The following BTRC variants were observed in gnomAD, a reference collection of about 807,000 sequenced individuals.
BTRC encodes the protein F-box/WD repeat-containing protein 1A.
In BTRC, 42 loss-of-function variants were observed where a neutral mutation model predicts 85.5. The ratio of observed to expected loss-of-function variants is 0.49; its 90% CI spans 0.38 to 0.64. The LOEUF (loss-of-function observed/expected upper bound fraction) is 0.64, where lower values mean the gene tolerates loss of function less well. Ranked by LOEUF, BTRC falls within the 30% of genes least tolerant of loss-of-function variation. BTRC has a pLI of 0.00. For synonymous variants in BTRC, 255 were observed against 263.3 expected (o/e 0.97, Z 0.30); for missense variants, 594 against 743.5 (o/e 0.80, Z 2.34).
chr10:101,549,713 C>CAATAAAAAAAAAAAAAAA (rs2062618196), intron 13 of BTRC, among the ~76,000 whole-genome samples: 1 of 42,770 alleles, frequency 2.3e-5, no homozygotes, highest in Non-Finnish European at 3.6e-5. Flanking sequence ...GACTCTGTCT[C>CAATAAAAAAAAAAAAAAA]AAAAAAAAAA....
At chr10:101,387,478 A>G (rs1408270727) in intron 1 of BTRC, among the ~76,000 whole-genome samples, 2 of 127,862 alleles carry the variant, frequency 1.6e-5, no homozygotes, top group African/African-American at 6.4e-5. Context: ...TTAAGGTCTC[A>G]TACCTTATTT....
intron 1 of BTRC, among the ~76,000 whole-genome samples, chr10:101,390,727 C>T (rs1943216469): frequency 1.3e-5 from 2 of 151,782 alleles, no homozygotes; most frequent in South Asian, 4.2e-4. Context: ...AGCCTGCCAT[C>T]CCACACAACC....
intron 3 of BTRC, among the ~76,000 whole-genome samples, chr10:101,463,051 T>G (rs1386146229): frequency 5.8e-5 from 8 of 137,928 alleles, no homozygotes; most frequent in South Asian, 4.7e-4. Context: ...TATTTTGGGG[T>G]TTTTTTTTTT....
intron 1 of BTRC, among the ~76,000 whole-genome samples, chr10:101,361,248 AG>A (rs1451515917): frequency 3.9e-5 from 6 of 152,240 alleles, no homozygotes; most frequent in African/African-American, 1.4e-4. Flanking sequence ...CTGGGATTAC[AG>A]GCACGTGTCA....
At chr10:101,464,564 T>C (rs1945322158) in intron 3 of BTRC, among the ~76,000 whole-genome samples, 1 of 110,686 alleles carries the variant, frequency 9.0e-6, no homozygotes, top group Non-Finnish European at 1.7e-5. Flanking sequence ...TGCTTTGAAA[T>C]GATTTTTCTA....
intron 4 of BTRC, 139 bp downstream of exon 4, chr10:101,479,596 T>C: frequency 1.7e-6 from 1 of 572,202 alleles, no homozygotes; most frequent in Non-Finnish European, 2.9e-6. Flanking sequence ...CATCATTTTA[T>C]CTAGAACAGA....
chr10:101,417,637 T>C (rs983094884), intron 1 of BTRC, among the ~76,000 whole-genome samples: 1 of 152,178 alleles, frequency 6.6e-6, no homozygotes, highest in African/African-American at 2.4e-5. Context: ...TGAGACTATT[T>C]AAGTATCCTC....
chr10:101,429,549 TTTC>T (rs942329677), intron 1 of BTRC, among the ~76,000 whole-genome samples: 34 of 123,692 alleles, frequency 2.7e-4, no homozygotes, highest in Non-Finnish European at 4.1e-4. Flanking sequence ...CCTCCTCCTT[TTTC>T]TTCTTCTTCT....
chr10:101,420,759 ACT>A (rs1944079349), intron 1 of BTRC, among the ~76,000 whole-genome samples: 1 of 151,614 alleles, frequency 6.6e-6, no homozygotes, highest in South Asian at 2.1e-4. Flanking sequence ...ACTGTAGTCA[ACT>A]CTCTGCCACT....
At chr10:101,544,235 A>T (rs2134455581) in intron 13 of BTRC, among the ~76,000 whole-genome samples, 1 of 152,250 alleles carries the variant, frequency 6.6e-6, no homozygotes, top group East Asian at 1.9e-4. Flanking sequence ...TAATGGAAAA[A>T]AGAGAGTTTA....
intron 1 of BTRC, among the ~76,000 whole-genome samples, chr10:101,398,432 A>T (rs984271041): frequency 2.6e-5 from 4 of 151,870 alleles, no homozygotes; most frequent in Non-Finnish European, 4.4e-5. Flanking sequence ...CCTCCCGAGT[A>T]GCTGGGACTA....
chr10:101,380,220 T>G (rs1469038513), intron 1 of BTRC, among the ~76,000 whole-genome samples: 1 of 152,198 alleles, frequency 6.6e-6, no homozygotes, highest in Non-Finnish European at 1.5e-5. Flanking sequence ...TTTCCTCATA[T>G]AGAAAGCAAA....
rs1176858689 is a variant in BTRC at position 101,479,456 on chromosome 10, A to C, written c.323A>C (p.Lys108Thr). 1 of 1,611,186 alleles carries C rather than the reference A, an allele frequency of 6.2e-7. No individual in the cohort carries two copies. The highest frequency in any genetic ancestry group is 8.5e-7 in the Non-Finnish European group (1 of 1,177,776). Reference protein sequence around the residue: ...TAMKTENCVAKTKLANGTSSM... With the variant: ...TAMKTENCVATTKLANGTSSM... Reference sequence around the variant, plus strand: ...ATGAAGACTGAGAATTGTGTGGCCAAAGTAAGTAATATTGCTCATCAATGT... The same window carrying C: ...ATGAAGACTGAGAATTGTGTGGCCACAGTAAGTAATATTGCTCATCAATGT... Residue 108 changes from lysine to threonine, a missense_variant and splice_region_variant, in exon 4 of 15, where the codon AAA becomes ACA. By Grantham distance (78) the Lys-to-Thr change is moderately conservative. This residue lies in a region of BTRC where 163 missense variants were observed against 180.5 expected (regional missense o/e 0.90). Transcript: ENST00000370187.
At position 101,535,405 on chromosome 10, in the gene BTRC, C is replaced by T. The variant is rs1198751700; in HGVS notation, c.1399C>T (p.Arg467Ter). 6.2e-6 allele frequency: 10 copies of T among 1,613,978 alleles called. No homozygotes were observed. In the Admixed American group the frequency reaches 8.3e-5, roughly 13 times the overall value. The change falls in exon 11 of 15, where the codon CGA becomes TGA. Residue 467 changes from arginine to a stop codon, truncating the protein, a stop_gained. Coordinates refer to ENST00000370187, the MANE Select transcript of BTRC (RefSeq NM_033637.4). LOFTEE classifies it high-confidence loss of function. ...EFVRTLNGHK[R>*]GIACLQYRDR... ...TGTAAGGACCTTAAATGGACACAAA[C>T]GAGGCATTGCCTGTTTGCAGTACAG...
intron 11 of BTRC, 30 bp downstream of exon 11, chr10:101,535,502 G>A: frequency 7.0e-7 from 1 of 1,438,822 alleles, no homozygotes; most frequent in Non-Finnish European, 9.7e-7. Context: ...TATCATAAGG[G>A]ATCAATATTA....
intron 1 of BTRC, among the ~76,000 whole-genome samples, chr10:101,373,427 G>A (rs1038262819): frequency 6.6e-6 from 1 of 152,166 alleles, no homozygotes; most frequent in East Asian, 1.9e-4. Flanking sequence ...ACAGAATGAA[G>A]AAGGTTGCTG....
intron 1 of BTRC, among the ~76,000 whole-genome samples, chr10:101,406,284 C>T (rs1462885131): frequency 6.6e-6 from 1 of 150,712 alleles, no homozygotes; most frequent in Non-Finnish European, 1.5e-5. Flanking sequence ...TCATGCCATT[C>T]TCCTGCCTCA....
intron 2 of BTRC, among the ~76,000 whole-genome samples, chr10:101,441,923 G>A (rs1290883961): frequency 6.9e-6 from 1 of 144,958 alleles, no homozygotes; most frequent in Non-Finnish European, 1.5e-5. Context: ...AGAATACAAT[G>A]TAGACACGTC....
intron 12 of BTRC, among the ~76,000 whole-genome samples, chr10:101,536,917 G>A (rs2062395532): frequency 1.3e-5 from 2 of 152,078 alleles, no homozygotes; most frequent in South Asian, 4.1e-4. Context: ...TGACTGTTTT[G>A]CCCTGTAAAG....
Sources: allele counts gnomAD v4.1 joint callset (sites outside exome capture counted in the v4.1 genomes callset), GRCh38; gene constraint gnomAD v4.1.1; regional missense constraint gnomAD v4.1.1; transcripts MANE v1.5; gene names NCBI Gene and HGNC (gene_info 2026-07-23, HGNC 2026-07-21).